F8: variants seen among roughly 807,000 people sequenced by gnomAD.
F8 encodes coagulation factor VIII, also known as antihemophilic factor.
F8 carries 12 observed loss-of-function variants against 140.6 expected under a neutral mutation model. The ratio of observed to expected loss-of-function variants is 0.09; its 90% CI spans 0.05 to 0.14. The LOEUF is 0.14. F8 is among the 10% of genes least tolerant of loss of function. The pLI is 1.00. For missense variants in F8, 1,354 were observed against 1,720.7 expected (o/e 0.79, Z 3.77); for synonymous variants, 585 against 614.6 (o/e 0.95, Z 0.71).
rs782675198 is a variant in F8, at chrX:154,947,923, G to T, written c.1904-16C>A. Reference sequence around the variant, plus strand: ...CCATTGATGCCTGCAAAAACAATGGGGAAAAGAGATTTAGACACATCACAG... The same window carrying T: ...CCATTGATGCCTGCAAAAACAATGGTGAAAAGAGATTTAGACACATCACAG... On this transcript the variant is annotated splice_polypyrimidine_tract_variant and intron_variant, in intron 12 of 25. Transcript: ENST00000360256. The T allele has an allele frequency of 8.6e-7, 1 of 1,165,292 alleles. No individual in the cohort carries two copies. Among genetic ancestry groups the T allele is most frequent in the Admixed American group, 2.2e-5 (1 of 45,891 alleles).
intron 25 of F8, among the ~76,000 whole-genome samples, chrX:154,844,102 G>T (rs2072544387): frequency 9.0e-6 from 1 of 111,347 alleles, no homozygotes; most frequent in Non-Finnish European, 1.9e-5. Context: ...GATGGTTGTA[G>T]ATGTGTGGTA....
At chrX:154,923,559 G>C (rs1405009536) in intron 14 of F8, among the ~76,000 whole-genome samples, 4 of 111,881 alleles carry the variant, frequency 3.6e-5, no homozygotes, top group Non-Finnish European at 7.5e-5. Context: ...GTTTTTGGCT[G>C]GGCATGGTGG....
rs1276160628 is a variant in F8 at position 154,951,409 on chromosome X, C to A, written c.1903+2483G>T. On this transcript the variant is annotated intron_variant, in intron 12 of 25. Transcript: ENST00000360256. ...TTATTATAATCATGTCCTTACTAAC[C>A]TTTATACTTTTCTTCCTCTGTATCC... Among the ~76,000 whole-genome samples the A allele has an allele frequency of 4.5e-5, 5 of 111,578 alleles. No homozygotes were observed. In the Admixed American group the frequency reaches 4.8e-4, roughly 11 times the overall value.
In F8 at chrX:154,931,218, G is replaced by A. The variant is rs1557278806; in HGVS notation, c.2572C>T (p.Pro858Ser). 8.3e-7 allele frequency: 1 copy of A among 1,210,383 alleles called. No individual in the cohort carries two copies. The highest frequency in any genetic ancestry group is 2.2e-5 in the Admixed American group (1 of 45,967). The change falls in exon 14 of 26, where the codon CCA becomes TCA. Residue 858 changes from proline (P) to serine (S), a missense_variant. Pro to Ser is a moderately conservative substitution (Grantham distance 74, BLOSUM62 -1). Around this residue, in one of 4 missense-constraint regions of F8, gnomAD observed 658 missense variants for 666.5 expected, o/e 0.99. Transcript: ENST00000360256. ...NSLSEMTHFR[P>S]QLHHSGDMVF... ...ATGTCCCCACTGTGATGGAGCTGTG[G>A]CCTGAAGTGTGTCATTTCAGACAGG...
At chrX:154,860,003 C>T (rs2072677727) in intron 25 of F8, among the ~76,000 whole-genome samples, 2 of 111,533 alleles carry the variant, frequency 1.8e-5, no homozygotes, top group Admixed American at 9.5e-5. Flanking sequence ...ATGGTTAATT[C>T]TTGGTGAAAA....
chrX:154,949,940 T>C lies in F8; in HGVS notation c.1904-2033A>G, dbSNP rs1279885652. On this transcript the variant is annotated intron_variant, in intron 12 of 25. Coordinates refer to ENST00000360256, the MANE Select transcript of F8 (RefSeq NM_000132.4). ...CGCCACCATGTCCAGCTAATTTTTG[T>C]ATTTTCAGTAGAGATGGGGTTTCAC... Among the ~76,000 whole-genome samples the C allele has an allele frequency of 2.7e-5, 3 of 111,143 alleles. No homozygotes were observed. In the Admixed American group the frequency reaches 2.9e-4, roughly 11 times the overall value.
chrX:154,871,197 C>T (rs2072771344), intron 22 of F8, among the ~76,000 whole-genome samples: 1 of 112,073 alleles, frequency 8.9e-6, no homozygotes, highest in Non-Finnish European at 1.9e-5. Flanking sequence ...GAAAACACTA[C>T]TTTAAACTTC....
intron 3 of F8, among the ~76,000 whole-genome samples, chrX:154,993,667 G>T (rs2073601561): frequency 8.9e-6 from 1 of 112,272 alleles, no homozygotes; most frequent in Non-Finnish European, 1.9e-5. Flanking sequence ...GTAAAAACTA[G>T]GTTCTGGTTG....
At position 154,899,919 on chromosome X, in the gene F8, A is replaced by G. The variant is rs371317608; in HGVS notation, c.6220T>C (p.Tyr2074His). 1 of 1,211,774 alleles carries G rather than the reference A, an allele frequency of 8.3e-7. No individual in the cohort carries two copies. The highest frequency in any genetic ancestry group is 1.1e-6 in the Non-Finnish European group (1 of 895,457). The part of the protein sequence containing the change: ...QWAPKLARLH[Y>H]SGSINAWSTK... Reference sequence around the variant, plus strand: ...CTCCAGGCATTGATTGATCCGGAATAATGAAGTCTGGCCAGCTTTGGGGCC... The same window carrying G: ...CTCCAGGCATTGATTGATCCGGAATGATGAAGTCTGGCCAGCTTTGGGGCC... The change falls in exon 21 of 26, where the codon TAT becomes CAT. Residue 2074 changes from tyrosine to histidine, a missense_variant. Tyr to His is a moderately conservative substitution (Grantham distance 83). Transcript: ENST00000360256.
intron 7 of F8, among the ~76,000 whole-genome samples, 158 bp downstream of exon 7, chrX:154,969,173 G>T (rs1557282298): frequency 9.0e-6 from 1 of 111,540 alleles, no homozygotes; most frequent in East Asian, 2.8e-4. Context: ...ACTTTACACT[G>T]GAAGCTGGAA....
intron 22 of F8, among the ~76,000 whole-genome samples, chrX:154,876,189 G>T (rs375284375): frequency 9.8e-6 from 1 of 102,335 alleles, no homozygotes; most frequent in African/African-American, 3.7e-5. Context: ...GCGCGATCTC[G>T]GCTCACTGCA....
chrX:154,974,905 T>G (rs1184139711), intron 6 of F8, among the ~76,000 whole-genome samples: 1 of 111,978 alleles, frequency 8.9e-6, no homozygotes, highest in Admixed American at 9.5e-5. Context: ...CTTATAATTC[T>G]TTGTATTTCT....
Position 154,836,919 on chromosome X carries a change from T to C in F8, c.*678A>G, listed in dbSNP as rs189078164. On this transcript the variant is annotated 3_prime_UTR_variant, in exon 26 of 26. Transcript: ENST00000360256. ...AATGCCTTATATAATTTCAGGGGAC[T>C]TAGGGATTCTTGAACCCCATCTATA... 2.4e-4 allele frequency: 27 copies of C among 112,796 alleles called. No homozygotes were observed. The highest frequency in any genetic ancestry group is 2.1e-3 in the Admixed American group (22 of 10,662). The allele number at this position is 112,796 out of a possible 1,213,427, so 9.3% of individuals were successfully genotyped here. A position where few individuals can be genotyped will look rare whatever the true frequency, so the allele number is the denominator to read the frequency against.
chrX:154,898,261 C>G (rs1260130918), intron 21 of F8, among the ~76,000 whole-genome samples: 1 of 111,520 alleles, frequency 9.0e-6, no homozygotes, highest in Non-Finnish European at 1.9e-5. Flanking sequence ...TCAGCACCCC[C>G]TTTCAACTCC....
At chrX:154,933,163 A>G (rs868910644) in intron 13 of F8, among the ~76,000 whole-genome samples, 2 of 111,828 alleles carry the variant, frequency 1.8e-5, no homozygotes, top group South Asian at 3.7e-4. Flanking sequence ...ATAAATTTCA[A>G]TCCAAGAACT....
In F8 at chrX:154,836,927, T is replaced by C. The variant is rs2072479558; in HGVS notation, c.*670A>G. 8.9e-6 allele frequency: 1 copy of C among 112,770 alleles called. No individual in the cohort carries two copies. The highest frequency in any genetic ancestry group is 1.9e-5 in the Non-Finnish European group (1 of 53,700). The allele number at this position is 112,770 out of a possible 1,213,427, so 9.3% of individuals were successfully genotyped here. On this transcript the variant is annotated 3_prime_UTR_variant, in exon 26 of 26. Coordinates refer to ENST00000360256, the MANE Select transcript of F8 (RefSeq NM_000132.4). Reference sequence around the variant, plus strand: ...ATATAATTTCAGGGGACTTAGGGATTCTTGAACCCCATCTATAATTCTCAG... The same window carrying C: ...ATATAATTTCAGGGGACTTAGGGATCCTTGAACCCCATCTATAATTCTCAG...
At chrX:154,905,130 T>A (rs1440544438) in intron 15 of F8, 107 bp from the exon 16 acceptor site, 2 of 625,341 alleles carry the variant, frequency 3.2e-6, no homozygotes, top group African/African-American at 4.5e-5. Context: ...TTGGTCTTTA[T>A]CAAAGTTTTT....
At chrX:154,877,447 T>C (rs1273051990) in intron 22 of F8, among the ~76,000 whole-genome samples, 2 of 111,683 alleles carry the variant, frequency 1.8e-5, no homozygotes, top group Admixed American at 1.9e-4. Context: ...AGTTAATGAA[T>C]GTGTGTGGCC....
chrX:155,008,797 C>G (rs1557286305), intron 1 of F8, among the ~76,000 whole-genome samples: 1 of 108,951 alleles, frequency 9.2e-6, no homozygotes, highest in Non-Finnish European at 1.9e-5. Flanking sequence ...CGCCTCTTCC[C>G]AGCGCCGACT....
Sources: gnomAD v4.1 joint callset for allele counts (sites outside exome capture counted in the v4.1 genomes callset) on GRCh38, gnomAD v4.1.1 for gene constraint, gnomAD v4.1.1 regional missense constraint, MANE v1.5 for transcripts, NCBI Gene and HGNC (gene_info 2026-07-23, HGNC 2026-07-21) for gene names.